Variants in PRIM2 observed in about 807,000 individuals in gnomAD.
PRIM2 encodes the protein DNA primase subunit 2, also known as DNA primase large subunit.
PRIM2 carries 39 observed loss-of-function variants against 67.3 expected under a neutral mutation model. The ratio of observed to expected loss-of-function variants is 0.58; its 90% CI spans 0.45 to 0.76. PRIM2 has a LOEUF of 0.76. PRIM2 is among the 30% of genes least tolerant of loss of function. The pLI, the probability that PRIM2 is intolerant of heterozygous loss-of-function variation, is 0.00. For missense variants in PRIM2, 398 were observed against 598.7 expected (o/e 0.66, Z 3.50); for synonymous variants, 143 against 198.7 (o/e 0.72, Z 2.36).
chr6:57,421,668 C>A (rs369394054), intron 7 of PRIM2, among the ~76,000 whole-genome samples: 1 of 152,188 alleles, frequency 6.6e-6, no homozygotes, highest in Non-Finnish European at 1.5e-5. Flanking sequence ...TATTTGCATG[C>A]TGTCTTTCCT....
intron 7 of PRIM2, among the ~76,000 whole-genome samples, chr6:57,456,109 T>C (rs551067451): frequency 6.6e-6 from 1 of 152,198 alleles, no homozygotes; most frequent in African/African-American, 2.4e-5. Context: ...TGTTGAATAT[T>C]GGCCCCCACT....
chr6:57,554,695 T>C (rs1775476403), intron 10 of PRIM2, among the ~76,000 whole-genome samples: 1 of 152,264 alleles, frequency 6.6e-6, no homozygotes, highest in Non-Finnish European at 1.5e-5. Context: ...TTTCTTAGTA[T>C]ATATTCGTTG....
chr6:57,305,108 T>A, the PRIM2 span, among the ~76,000 whole-genome samples: 1 of 152,248 alleles, frequency 6.6e-6, no homozygotes. Flanking sequence ...TTACTGAGAA[T>A]GTGAACTTTT....
chr6:57,247,084 G>C, the PRIM2 span, among the ~76,000 whole-genome samples: 1 of 152,130 alleles, frequency 6.6e-6, no homozygotes, highest in Non-Finnish European at 1.5e-5. Context: ...TTGATCTCCT[G>C]ACCTCGTGAT....
At chr6:57,507,794 G>A (rs1265125876) in intron 8 of PRIM2, among the ~76,000 whole-genome samples, 2 of 151,986 alleles carry the variant, frequency 1.3e-5, no homozygotes, top group African/African-American at 4.8e-5. Flanking sequence ...GAGGATAGAT[G>A]AGTTAGATGG....
chr6:57,240,466 A>T, the PRIM2 span, among the ~76,000 whole-genome samples: 1 of 152,170 alleles, frequency 6.6e-6, no homozygotes, highest in Admixed American at 6.5e-5. Context: ...GCTTGCATTC[A>T]GGGAGGAGAC....
Position 57,383,693 on chromosome 6 carries a change from TAACTTCGGGACAACCC to T in PRIM2, c.693+1528_693+1543del. On this transcript the variant is annotated intron_variant, in intron 7 of 13. Coordinates refer to ENST00000615550, the MANE Select transcript of PRIM2 (RefSeq NM_000947.5). ...TACAGCCATCTAGAGATGAGGCAGG[TAACTTCGGGACAACCC>T]AATTTGCTGCATAGACATGTAGAAA... is the stretch of plus-strand genomic sequence containing the variant. 3 of 152,088 alleles carry T rather than the reference TAACTTCGGGACAACCC, an allele frequency of 2.0e-5. No individual in the cohort carries two copies. The South Asian group carries it at 6.2e-4, about 32-fold the overall frequency. The allele number at this position is 152,088 out of a possible 1,614,324, so 9.4% of individuals were successfully genotyped here.
intron 7 of PRIM2, among the ~76,000 whole-genome samples, chr6:57,406,856 C>T (rs1296429778): frequency 3.3e-5 from 5 of 152,014 alleles, no homozygotes; most frequent in African/African-American, 1.2e-4. Context: ...AGTACTTATG[C>T]TCTGGTTGCG....
chr6:57,603,092 A>G (rs1776499264), intron 11 of PRIM2, among the ~76,000 whole-genome samples: 1 of 152,142 alleles, frequency 6.6e-6, no homozygotes, highest in African/African-American at 2.4e-5. Flanking sequence ...GTCTTTTGCA[A>G]ATGTTTTCTC....
intron 7 of PRIM2, among the ~76,000 whole-genome samples, chr6:57,482,636 C>G (rs1773658830): frequency 1.3e-5 from 2 of 151,846 alleles, no homozygotes; most frequent in African/African-American, 2.4e-5. Context: ...AAAAGAGGAA[C>G]CAGTAGTACC....
At chr6:57,623,212 A>G (rs1458604991) in intron 12 of PRIM2, among the ~76,000 whole-genome samples, 56 of 152,320 alleles carry the variant, frequency 3.7e-4, no homozygotes, top group African/African-American at 1.3e-3. Context: ...TAAGGAAAAG[A>G]TGGGAAGTTG....
At chr6:57,501,419 C>T (rs1774129159) in intron 7 of PRIM2, among the ~76,000 whole-genome samples, 2 of 152,224 alleles carry the variant, frequency 1.3e-5, no homozygotes, top group African/African-American at 2.4e-5. Flanking sequence ...CCTGCCTCAG[C>T]CTCCTGAGTA....
chr6:57,481,340 T>C (rs1773623228), intron 7 of PRIM2, among the ~76,000 whole-genome samples: 1 of 152,176 alleles, frequency 6.6e-6, no homozygotes, highest in Non-Finnish European at 1.5e-5. Context: ...TATGTATATA[T>C]AGACTCATAC....
At chr6:57,237,691 G>C in the PRIM2 span, among the ~76,000 whole-genome samples, 80 of 152,184 alleles carry the variant, frequency 5.3e-4, no homozygotes, top group Non-Finnish European at 8.4e-4. Context: ...CCCATTTCTT[G>C]TTTTTCTCAG....
chr6:57,631,459 G>A (rs1186620834), intron 12 of PRIM2, among the ~76,000 whole-genome samples: 1 of 152,106 alleles, frequency 6.6e-6, no homozygotes, highest in Non-Finnish European at 1.5e-5. Flanking sequence ...GAGATTACAT[G>A]AAGTAGAGTT....
the PRIM2 span, among the ~76,000 whole-genome samples, chr6:57,255,901 A>C: frequency 6.6e-6 from 1 of 152,210 alleles, no homozygotes; most frequent in African/African-American, 2.4e-5. Context: ...GAATTAATGA[A>C]TTATGTCTCC....
intron 10 of PRIM2, chr6:57,587,007 T>A (rs1776200723): frequency 2.0e-5 from 3 of 152,024 alleles, no homozygotes; most frequent in African/African-American, 7.3e-5. Flanking sequence ...AAGAGGAAAA[T>A]GATGAATAGT....
chr6:57,605,929 A>AT (rs1776554196), intron 11 of PRIM2, among the ~76,000 whole-genome samples: 2 of 151,738 alleles, frequency 1.3e-5, no homozygotes, highest in African/African-American at 4.8e-5. Context: ...ATGATGTTGA[A>AT]TTTTTTTCTT....
intron 7 of PRIM2, among the ~76,000 whole-genome samples, chr6:57,401,420 G>A (rs1417714587): frequency 6.6e-6 from 1 of 152,114 alleles, no homozygotes. Context: ...GGGGTGTGAT[G>A]CGGTAGGTGA....
Sources: allele counts gnomAD v4.1 joint callset (sites outside exome capture counted in the v4.1 genomes callset), GRCh38; gene constraint gnomAD v4.1.1; transcripts MANE v1.5; gene names NCBI Gene and HGNC (gene_info 2026-07-23, HGNC 2026-07-21).